The following TMPRSS11A variants were observed in gnomAD, a reference collection of about 807,000 sequenced individuals.
TMPRSS11A encodes the protein transmembrane protease serine 11A.
A neutral mutation model predicts 58.9 loss-of-function variants in TMPRSS11A; 53 were observed. The observed-to-expected ratio is 0.90, with a 90% CI of 0.72 to 1.13. The LOEUF is 1.13. TMPRSS11A is among the 50% of genes most tolerant of loss of function. The pLI, the probability that TMPRSS11A is intolerant of heterozygous loss-of-function variation, is 0.00. For synonymous variants in TMPRSS11A, 167 were observed against 169.8 expected, an observed-to-expected ratio of 0.98 and a Z score of 0.13; for missense variants, 493 against 499.3, an observed-to-expected ratio of 0.99 and a Z score of 0.12.
intron 4 of TMPRSS11A, among the ~76,000 whole-genome samples, chr4:67,930,827 T>TTTTTG (rs1560567329): frequency 7.8e-6 from 1 of 128,458 alleles, no homozygotes; most frequent in Admixed American, 7.5e-5. Flanking sequence ...TTTTTTTTTT[T>TTTTTG]TTACAAAAAA....
chr4:67,923,063 C>G, intron 6 of TMPRSS11A, 137 bp from the exon 7 acceptor site: 1 of 718,628 alleles, frequency 1.4e-6, no homozygotes, highest in Non-Finnish European at 2.3e-6. Context: ...TCACTGGATT[C>G]ATGGCCTCTT....
chr4:67,930,540 G>A (rs1312045386), intron 4 of TMPRSS11A, among the ~76,000 whole-genome samples: 1 of 151,856 alleles, frequency 6.6e-6, no homozygotes, highest in African/African-American at 2.4e-5. Context: ...CATTCCATAA[G>A]GCTTAGGTCT....
rs755777467 is a variant in TMPRSS11A, at chr4:67,924,121, GACTT to G, written c.520+3_520+6del. ...TGAACTTGTTTATATAAGCTAACTT[GACTT>G]ACTTGCTTGGACAGTTAACTCCCCT... On this transcript the variant is annotated splice_donor_5th_base_variant and intron_variant, in intron 6 of 9. Transcript: ENST00000508048. 1.9e-6 allele frequency: 3 copies of G among 1,611,956 alleles called. No homozygotes were observed. In the Admixed American group the frequency reaches 5.0e-5, roughly 27 times the overall value.
intron 1 of TMPRSS11A, among the ~76,000 whole-genome samples, chr4:67,952,188 T>C (rs372357838): frequency 5.9e-5 from 9 of 152,336 alleles, no homozygotes; most frequent in East Asian, 3.9e-4. Context: ...TTGTCATCAT[T>C]TTATAGGTGA....
At chr4:67,938,269 G>C (rs577011864) in intron 3 of TMPRSS11A, among the ~76,000 whole-genome samples, 29 of 152,124 alleles carry the variant, frequency 1.9e-4, no homozygotes, top group Admixed American at 5.9e-4. Context: ...TCTTTTGCTT[G>C]TTGAGTTGTT....
At chr4:67,933,279 G>GAC (rs1231576861) in intron 3 of TMPRSS11A, among the ~76,000 whole-genome samples, 1 of 152,116 alleles carries the variant, frequency 6.6e-6, no homozygotes, top group African/African-American at 2.4e-5. Flanking sequence ...CTTCATTCCT[G>GAC]TTAGAAATCT....
At position 67,944,538 on chromosome 4, in the gene TMPRSS11A, C is replaced by T. The variant is rs114008233; in HGVS notation, c.233G>A (p.Arg78Gln). The T allele has an allele frequency of 7.6e-4, 1,220 of 1,610,868 alleles. 9 individuals carry two copies. In the African/African-American group the frequency reaches 0.013, roughly 17 times the overall value. ...ACTCACCAAATTTTCGGTCGTCTCT[C>T]GTAAGTCCTTAAGTTGATATGTGTT... ...QSNTYQLKDL[R>Q]ETTENLVDEI... The change falls in exon 3 of 10, where the codon CGA becomes CAA. Residue 78 changes from arginine to glutamine, a missense_variant. By Grantham distance (43) the Arg-to-Gln change is conservative (BLOSUM62 1). Transcript: ENST00000508048.
At chr4:67,942,756 G>GTT (rs1720909960) in intron 3 of TMPRSS11A, among the ~76,000 whole-genome samples, 1 of 152,128 alleles carries the variant, frequency 6.6e-6, no homozygotes, top group Non-Finnish European at 1.5e-5. Flanking sequence ...GTCTATAAGG[G>GTT]GGTAAGTAGG....
At chr4:67,928,758 C>CA (rs1323092104) in intron 5 of TMPRSS11A, among the ~76,000 whole-genome samples, 78 of 152,278 alleles carry the variant, frequency 5.1e-4, no homozygotes, top group African/African-American at 1.8e-3. Flanking sequence ...TTTTTACTTC[C>CA]TTATCTGGTT....
intron 4 of TMPRSS11A, among the ~76,000 whole-genome samples, chr4:67,931,063 G>T (rs1220103959): frequency 6.6e-6 from 1 of 151,876 alleles, no homozygotes; most frequent in East Asian, 1.9e-4. Flanking sequence ...ACCATCCAAA[G>T]GAGTTCACAG....
Position 67,914,668 on chromosome 4 carries a change from G to T in TMPRSS11A, c.1015C>A (p.Gln339Lys). The T allele has an allele frequency of 6.2e-7, 1 of 1,613,266 alleles. No individual in the cohort carries two copies. The highest frequency in any genetic ancestry group is 8.5e-7 in the Non-Finnish European group (1 of 1,179,456). Residue 339 changes from glutamine (Q) to lysine (K), a missense_variant, in exon 9 of 10, where the codon CAA (glutamine) becomes AAA (lysine). Coordinates refer to ENST00000508048, the MANE Select transcript of TMPRSS11A (RefSeq NM_001114387.2). ...VKIISDDVCK[Q>K]PQVYGNDIKP... Reference sequence around the variant, plus strand: ...ATATCATTGCCATACACCTGTGGTTGCTTGCAGACATCATCACTTATGATT... The same window carrying T: ...ATATCATTGCCATACACCTGTGGTTTCTTGCAGACATCATCACTTATGATT...
chr4:67,963,040 G>A (rs1560577665), intron 1 of TMPRSS11A, among the ~76,000 whole-genome samples: 1 of 152,048 alleles, frequency 6.6e-6, no homozygotes, highest in Non-Finnish European at 1.5e-5. Context: ...GCTGAAAGAA[G>A]GCTTGTTTTA....
chr4:67,914,872 A>T, intron 8 of TMPRSS11A, 142 bp from the exon 9 acceptor site: 1 of 619,738 alleles, frequency 1.6e-6, no homozygotes, highest in Non-Finnish European at 2.6e-6. Context: ...TAGAAAAAAG[A>T]ATTTCTGGTT....
At chr4:67,948,536 T>C (rs1374732472) in intron 1 of TMPRSS11A, among the ~76,000 whole-genome samples, 1 of 152,188 alleles carries the variant, frequency 6.6e-6, no homozygotes, top group East Asian at 1.9e-4. Context: ...AAGATAATAG[T>C]TTTGGCATAA....
chr4:67,947,277 A>G (rs1220678371), intron 1 of TMPRSS11A, among the ~76,000 whole-genome samples: 1 of 152,158 alleles, frequency 6.6e-6, no homozygotes, highest in Admixed American at 6.5e-5. Flanking sequence ...AGTTCCCTCC[A>G]TGGTTTCATT....
chr4:67,914,434 A>G (rs1239663199), intron 9 of TMPRSS11A, among the ~76,000 whole-genome samples, 154 bp downstream of exon 9: 1 of 152,230 alleles, frequency 6.6e-6, no homozygotes, highest in Non-Finnish European at 1.5e-5. Flanking sequence ...TTAATAAAAC[A>G]TTTAAAAGTA....
chr4:67,959,673 C>T (rs1014695092), intron 1 of TMPRSS11A, among the ~76,000 whole-genome samples: 4 of 152,154 alleles, frequency 2.6e-5, no homozygotes, highest in Admixed American at 6.6e-5. Flanking sequence ...CAAAAAACAG[C>T]AGTTGCTGGC....
At chr4:67,944,251 T>C (rs565849299) in intron 3 of TMPRSS11A, among the ~76,000 whole-genome samples, 1 of 152,226 alleles carries the variant, frequency 6.6e-6, no homozygotes. Flanking sequence ...GCCTCAATTC[T>C]CTTACCTTTA....
chr4:67,909,685 T>G lies in TMPRSS11A; in HGVS notation c.*1657A>C, dbSNP rs1215553916. ...ATCTCGTCATTTAAAATTCTTATCT[T>G]AAGAGTTTTCTATCTTAATACAGGT... On this transcript the variant is annotated 3_prime_UTR_variant, in exon 10 of 10. Coordinates refer to ENST00000508048, the MANE Select transcript of TMPRSS11A (RefSeq NM_001114387.2). The G allele has an allele frequency of 6.6e-6, 1 of 152,174 alleles. No individual in the cohort carries two copies. Among genetic ancestry groups the G allele is most frequent in the African/African-American group, 2.4e-5 (1 of 41,464 alleles). The allele number at this position is 152,174 out of a possible 1,614,324, so 9.4% of individuals were successfully genotyped here.
Sources: allele counts gnomAD v4.1 joint callset (sites outside exome capture counted in the v4.1 genomes callset), GRCh38; gene constraint gnomAD v4.1.1; transcripts MANE v1.5; gene names NCBI Gene and HGNC (gene_info 2026-07-23, HGNC 2026-07-21).